MAPKAP1: variants seen among roughly 807,000 people sequenced by gnomAD.
The protein encoded by MAPKAP1 is target of rapamycin complex 2 subunit MAPKAP1.
In MAPKAP1, 20 loss-of-function variants were observed where a neutral mutation model predicts 65.7. The observed-to-expected ratio is 0.30, with a 90% CI of 0.21 to 0.44. The LOEUF (loss-of-function observed/expected upper bound fraction) is 0.44. Among genes scored for constraint, MAPKAP1 ranks in the 20% least tolerant of loss-of-function variants. The pLI is 1.00. For synonymous variants in MAPKAP1, 222 were observed against 244.3 expected (o/e 0.91, Z 0.85); for missense variants, 423 against 648.0 (o/e 0.65, Z 3.77).
intron 7 of MAPKAP1, among the ~76,000 whole-genome samples, chr9:125,534,917 T>G (rs920871233): frequency 6.6e-6 from 1 of 152,210 alleles, no homozygotes; most frequent in African/African-American, 2.4e-5. Flanking sequence ...CTTACTTCCA[T>G]GTATCCCTTG....
chr9:125,664,602 G>A (rs1486636814), intron 3 of MAPKAP1, among the ~76,000 whole-genome samples: 1 of 150,454 alleles, frequency 6.6e-6, no homozygotes, highest in Non-Finnish European at 1.5e-5. Flanking sequence ...GCAGATGCCT[G>A]TAATCCCAGC....
intron 9 of MAPKAP1, among the ~76,000 whole-genome samples, chr9:125,479,964 T>A (rs1854247930): frequency 6.6e-6 from 1 of 152,174 alleles, no homozygotes; most frequent in African/African-American, 2.4e-5. Context: ...ACCTGGCTAG[T>A]CAGGTGAAAT....
At chr9:125,577,278 C>T (rs1564566649) in intron 5 of MAPKAP1, among the ~76,000 whole-genome samples, 1 of 151,624 alleles carries the variant, frequency 6.6e-6, no homozygotes, top group Non-Finnish European at 1.5e-5. Flanking sequence ...AGCCCCTCCA[C>T]CCAGCAGCCG....
intron 4 of MAPKAP1, chr9:125,652,359 T>C (rs1245885155): frequency 2.6e-6 from 2 of 779,156 alleles, no homozygotes; most frequent in Admixed American, 5.3e-5. Context: ...AGCATTCATA[T>C]TAATTTTCAC....
At position 125,506,433 on chromosome 9, in the gene MAPKAP1, G is replaced by C. The variant is rs775258150; in HGVS notation, c.959-16C>G. 6.2e-7 allele frequency: 1 copy of C among 1,602,402 alleles called. No homozygotes were observed. The highest frequency in any genetic ancestry group is 1.1e-5 in the South Asian group (1 of 90,826). ...TACTGAGGGCCTGGAAGATCAAAGG[G>C]GCAGGAGGAGGGGAGGAAGTCTGAA... On this transcript the variant is annotated splice_polypyrimidine_tract_variant and intron_variant, in intron 7 of 11. Transcript: ENST00000265960.
chr9:125,500,556 G>T (rs1462800833), intron 8 of MAPKAP1, among the ~76,000 whole-genome samples: 1 of 152,142 alleles, frequency 6.6e-6, no homozygotes, highest in Non-Finnish European at 1.5e-5. Context: ...GTGTGCTTGT[G>T]TGTACACACA....
intron 1 of MAPKAP1, among the ~76,000 whole-genome samples, chr9:125,681,561 A>G (rs1834822141): frequency 6.6e-6 from 1 of 152,164 alleles, no homozygotes; most frequent in South Asian, 2.1e-4. Context: ...GAAATGCCTC[A>G]GAATCTTACA....
At position 125,671,765 on chromosome 9, in the gene MAPKAP1, G is replaced by A. The variant is rs370966606; in HGVS notation, c.259+551C>T. Reference sequence around the variant, plus strand: ...GTGATCAATTTAAGAAAATAAAGGCGAAGTATCAAAAACAGGGGCCCCTTT... The same window carrying A: ...GTGATCAATTTAAGAAAATAAAGGCAAAGTATCAAAAACAGGGGCCCCTTT... On this transcript the variant is annotated intron_variant, in intron 2 of 11. Coordinates refer to ENST00000265960, the MANE Select transcript of MAPKAP1 (RefSeq NM_001006617.3). Among the ~76,000 whole-genome samples, 69 of 152,158 alleles carry A rather than the reference G, an allele frequency of 4.5e-4. No homozygotes were observed. The East Asian group carries it at 7.9e-3, about 17-fold the overall frequency.
At chr9:125,680,602 T>C (rs995342743) in intron 1 of MAPKAP1, among the ~76,000 whole-genome samples, 1 of 152,230 alleles carries the variant, frequency 6.6e-6, no homozygotes, top group East Asian at 1.9e-4. Flanking sequence ...GTTTCTTCTT[T>C]TTACATTTTT....
intron 10 of MAPKAP1, among the ~76,000 whole-genome samples, chr9:125,464,859 A>T (rs1038963117): frequency 6.6e-6 from 1 of 152,236 alleles, no homozygotes; most frequent in African/African-American, 2.4e-5. Context: ...CTTGAGTTCT[A>T]TGCCTTATGA....
intron 3 of MAPKAP1, among the ~76,000 whole-genome samples, chr9:125,669,071 T>C: frequency 6.6e-6 from 1 of 151,958 alleles, no homozygotes; most frequent in Admixed American, 6.6e-5. Context: ...TCCCAACTAC[T>C]TGGGAGGCTG....
At chr9:125,470,346 T>A (rs954943455) in intron 9 of MAPKAP1, among the ~76,000 whole-genome samples, 5 of 152,210 alleles carry the variant, frequency 3.3e-5, no homozygotes, top group African/African-American at 1.2e-4. Context: ...CTCCCATGTA[T>A]ATTAGTGCTA....
intron 4 of MAPKAP1, among the ~76,000 whole-genome samples, chr9:125,593,891 A>T (rs1054257061): frequency 1.3e-5 from 2 of 152,182 alleles, no homozygotes; most frequent in Non-Finnish European, 2.9e-5. Context: ...TGGCTTTGCA[A>T]ATGCAGTCAG....
intron 4 of MAPKAP1, among the ~76,000 whole-genome samples, chr9:125,636,983 A>G (rs1051333262): frequency 5.3e-5 from 8 of 152,190 alleles, no homozygotes; most frequent in African/African-American, 1.7e-4. Context: ...ATTTATTGCA[A>G]ACTGGCCAGG....
intron 4 of MAPKAP1, among the ~76,000 whole-genome samples, chr9:125,647,139 A>C (rs187424291): frequency 6.6e-6 from 1 of 152,344 alleles, no homozygotes; most frequent in Admixed American, 6.5e-5. Flanking sequence ...AATCAATTTA[A>C]TCTTTGGTTG....
intron 4 of MAPKAP1, among the ~76,000 whole-genome samples, chr9:125,628,104 T>C (rs1313451945): frequency 6.6e-6 from 1 of 152,190 alleles, no homozygotes; most frequent in Non-Finnish European, 1.5e-5. Context: ...GCAAAGGACA[T>C]ATAAATATAT....
chr9:125,446,889 T>G (rs1343403009), intron 10 of MAPKAP1, among the ~76,000 whole-genome samples: 1 of 152,176 alleles, frequency 6.6e-6, no homozygotes, highest in Non-Finnish European at 1.5e-5. Context: ...AAAGGTTTCC[T>G]GCACTTTAAG....
chr9:125,685,273 A>G (rs934122664), intron 1 of MAPKAP1, among the ~76,000 whole-genome samples: 3 of 152,230 alleles, frequency 2.0e-5, no homozygotes, highest in African/African-American at 7.2e-5. Flanking sequence ...GTGAGTTGCA[A>G]CAGTAAATGA....
At chr9:125,585,518 A>G (rs1226663572) in intron 5 of MAPKAP1, 37 bp downstream of exon 5, 1 of 1,602,766 alleles carries the variant, frequency 6.2e-7, no homozygotes, top group Non-Finnish European at 8.5e-7. Flanking sequence ...CCAAAAGACC[A>G]CAAGAAACTA....
Sources: gnomAD v4.1 joint callset for allele counts (sites outside exome capture counted in the v4.1 genomes callset) on GRCh38, gnomAD v4.1.1 for gene constraint, MANE v1.5 for transcripts, NCBI Gene and HGNC (gene_info 2026-07-23, HGNC 2026-07-21) for gene names.